The following CUBN variants were observed in gnomAD, a reference collection of about 807,000 sequenced individuals.
CUBN encodes the protein 460 kDa receptor.
A neutral mutation model predicts 405.3 loss-of-function variants in CUBN; 282 were observed. That is an observed-to-expected ratio of 0.70 (90% CI 0.63 to 0.77). The LOEUF (loss-of-function observed/expected upper bound fraction) is 0.77. Among genes scored for constraint, CUBN ranks in the 30% least tolerant of loss-of-function variants. CUBN has a pLI of 0.00. For missense variants in CUBN, 4,514 were observed against 4,475.2 expected, an observed-to-expected ratio of 1.01 and a Z score of -0.25; for synonymous variants, 1,684 against 1,617.0, an observed-to-expected ratio of 1.04 and a Z score of -0.99.
At chr10:16,974,686 A>C (rs1022113198) in intron 31 of CUBN, among the ~76,000 whole-genome samples, 2 of 152,046 alleles carry the variant, frequency 1.3e-5, no homozygotes, top group African/African-American at 2.4e-5. Flanking sequence ...TTAACTCTTG[A>C]ACAACAGAGG....
In CUBN at chr10:17,096,365, A is replaced by G. The variant is rs147652388; in HGVS notation, c.1765+3640T>C. Among the ~76,000 whole-genome samples the G allele has an allele frequency of 9.2e-5, 14 of 152,304 alleles. No homozygotes were observed. In the East Asian group the frequency reaches 2.7e-3, roughly 29 times the overall value. ...GTGGTAATCATTTCACAAGTTATAC[A>G]TATATCAAAATATCAAAACATTACA... is the stretch of plus-strand genomic sequence containing the variant. On this transcript the variant is annotated intron_variant, in intron 14 of 66. Transcript: ENST00000377833.
intron 10 of CUBN, among the ~76,000 whole-genome samples, chr10:17,106,223 T>G (rs1259876938): frequency 6.6e-6 from 1 of 151,896 alleles, no homozygotes; most frequent in African/African-American, 2.4e-5. Context: ...AGGCAGAGGT[T>G]GTAGTGAGCT....
intron 64 of CUBN, among the ~76,000 whole-genome samples, chr10:16,834,191 C>G (rs7897442): frequency 0.073 from 11,075 of 152,222 alleles, 515 homozygotes; most frequent in East Asian, 0.15. Context: ...GTCCACATCA[C>G]ATGAGGCTTA....
At chr10:16,903,901 C>G (rs1841479251) in intron 51 of CUBN, 65 bp downstream of exon 51, 1 of 1,142,102 alleles carries the variant, frequency 8.8e-7, no homozygotes, top group Admixed American at 2.6e-5. Context: ...TATATGAAAT[C>G]TTTATGGAAA....
In CUBN at chr10:16,940,248, G is replaced by A. The variant is rs777975604; in HGVS notation, c.5343-11C>T. 1.7e-4 allele frequency: 267 copies of A among 1,610,038 alleles called. No homozygotes were observed. Among genetic ancestry groups the A allele is most frequent in the South Asian group, 3.7e-4 (34 of 90,934 alleles). On this transcript the variant is annotated splice_polypyrimidine_tract_variant and intron_variant, in intron 36 of 66. Coordinates refer to ENST00000377833, the MANE Select transcript of CUBN (RefSeq NM_001081.4). ...TCCAACTGGAAAGATCTGATTTGGG[G>A]AAAAAAATATTTAAAGGGATTAAAT...
intron 59 of CUBN, among the ~76,000 whole-genome samples, chr10:16,868,125 A>G (rs1434275752): frequency 6.6e-6 from 1 of 152,090 alleles, no homozygotes; most frequent in Non-Finnish European, 1.5e-5. Flanking sequence ...CACCTACACA[A>G]TTCTGTTAAG....
rs779715411 is a variant in CUBN, at chr10:16,825,080, G to A, written c.10767C>T (p.Asp3589=). 2.1e-5 allele frequency: 33 copies of A among 1,608,490 alleles called. No homozygotes were observed. The South Asian group carries it at 3.2e-4, about 16-fold the overall frequency. The change falls in exon 67 of 67, where the codon GAC becomes GAT. Residue 3589 remains aspartate, a splice_region_variant and synonymous_variant. Transcript: ENST00000377833. ...AAGCCACGAAGGGAGCTATGCTGGT[G>A]TCCTAAAATTGAAAAAAAAAGTATC... is the stretch of plus-strand genomic sequence containing the variant. ...SPSSGPYCGG[D]TSIAPFVASS...
chr10:16,956,057 T>A (rs7905189), intron 31 of CUBN, among the ~76,000 whole-genome samples: 1 of 151,958 alleles, frequency 6.6e-6, no homozygotes, highest in African/African-American at 2.4e-5. Context: ...TGTAAGGAAG[T>A]TACTCGCAAG....
At chr10:16,925,935 A>G (rs1842176911) in intron 41 of CUBN, among the ~76,000 whole-genome samples, 161 bp from the exon 42 acceptor site, 1 of 152,224 alleles carries the variant, frequency 6.6e-6, no homozygotes, top group Admixed American at 6.5e-5. Context: ...GCATGTATTG[A>G]GCACATGCTA....
chr10:17,023,056 A>C (rs891095931), intron 27 of CUBN, among the ~76,000 whole-genome samples: 8 of 152,218 alleles, frequency 5.3e-5, no homozygotes, highest in Admixed American at 2.0e-4. Flanking sequence ...TCAGCTCTGC[A>C]AGATTAAGAA....
intron 65 of CUBN, among the ~76,000 whole-genome samples, chr10:16,830,092 C>T (rs150797400): frequency 0.016 from 2,417 of 152,218 alleles, 61 homozygotes; most frequent in African/African-American, 0.054. Context: ...TGTGCCACTA[C>T]ACCCAGTTAA....
chr10:16,971,013 A>C (rs1342880354), intron 31 of CUBN, among the ~76,000 whole-genome samples: 1 of 152,080 alleles, frequency 6.6e-6, no homozygotes, highest in Non-Finnish European at 1.5e-5. Context: ...AACAACCCAA[A>C]TTGTTATAGA....
intron 19 of CUBN, among the ~76,000 whole-genome samples, chr10:17,071,198 A>G (rs1259056290): frequency 6.6e-6 from 1 of 152,026 alleles, no homozygotes; most frequent in Non-Finnish European, 1.5e-5. Context: ...TTTTATATCA[A>G]CCTAGAATTC....
At chr10:16,999,862 AT>A in intron 28 of CUBN, among the ~76,000 whole-genome samples, 1 of 152,124 alleles carries the variant, frequency 6.6e-6, no homozygotes, top group East Asian at 1.9e-4. Context: ...CCTCTCCCTG[AT>A]TCCTTCCCTC....
chr10:16,878,158 C>T (rs183957667), intron 56 of CUBN, among the ~76,000 whole-genome samples: 17 of 152,140 alleles, frequency 1.1e-4, no homozygotes, highest in East Asian at 5.8e-4. Flanking sequence ...TGTGGTGGTG[C>T]GCGCCTGTAG....
rs533271432 is a variant in CUBN, at chr10:17,103,364, C to A, written c.1418-127G>T. 1.4e-4 allele frequency: 98 copies of A among 695,624 alleles called. 1 individual carries two copies. The highest frequency in any genetic ancestry group is 1.4e-3 in the South Asian group (93 of 66,494). 43.1% of individuals were successfully genotyped at this position (695,624 alleles called of 1,614,324 possible). On this transcript the variant is annotated intron_variant, in intron 12 of 66. Transcript: ENST00000377833. ...ATGAAGGTTGGAGATAAAAGCCCTG[C>A]CATTCCCTCTCCTCTGTGCCCTTTT...
intron 29 of CUBN, among the ~76,000 whole-genome samples, chr10:16,985,416 C>T (rs547265961): frequency 3.3e-5 from 5 of 152,284 alleles, no homozygotes; most frequent in Admixed American, 1.3e-4. Context: ...TTTCCAGTTC[C>T]CCATCCATTC....
chr10:16,997,337 A>C (rs1292324885), intron 28 of CUBN, among the ~76,000 whole-genome samples: 2 of 151,212 alleles, frequency 1.3e-5, no homozygotes, highest in Non-Finnish European at 2.9e-5. Flanking sequence ...CAGGAGGCTG[A>C]GGCAGGAGAA....
intron 28 of CUBN, among the ~76,000 whole-genome samples, chr10:17,004,552 A>T (rs889847666): frequency 6.6e-6 from 1 of 152,126 alleles, no homozygotes; most frequent in East Asian, 1.9e-4. Flanking sequence ...TAATGGCACC[A>T]CCATGCACCA....
Sources: allele counts gnomAD v4.1 joint callset (sites outside exome capture counted in the v4.1 genomes callset), GRCh38; gene constraint gnomAD v4.1.1; transcripts MANE v1.5; gene names NCBI Gene and HGNC (gene_info 2026-07-23, HGNC 2026-07-21).